The following NUDCD3 variants were observed in gnomAD, a reference collection of about 807,000 sequenced individuals.
NUDCD3 encodes NudC domain containing 3.
In NUDCD3, 13 loss-of-function variants were observed where a neutral mutation model predicts 39.7. That is an observed-to-expected ratio of 0.33 (90% CI 0.21 to 0.52). NUDCD3 has a LOEUF of 0.52. Among genes scored for constraint, NUDCD3 ranks in the 20% least tolerant of loss-of-function variants. NUDCD3 has a pLI of 0.96. For synonymous variants in NUDCD3, 175 were observed against 172.4 expected (o/e 1.02, Z -0.12); for missense variants, 453 against 458.1 (o/e 0.99, Z 0.10).
At chr7:44,467,313 A>C (rs545234517) in intron 2 of NUDCD3, among the ~76,000 whole-genome samples, 147 of 152,362 alleles carry the variant, frequency 9.6e-4, no homozygotes, top group Non-Finnish European at 1.9e-3. Context: ...AGACAGAATC[A>C]GAACTGCTCA....
intron 1 of NUDCD3, chr7:44,485,517 C>T: frequency 2.0e-6 from 1 of 495,368 alleles, no homozygotes; most frequent in South Asian, 3.2e-5. Context: ...CCAAGGCTAA[C>T]AATATTTACA....
intron 3 of NUDCD3, among the ~76,000 whole-genome samples, chr7:44,416,551 G>GA (rs1031276537): frequency 1.3e-5 from 2 of 151,656 alleles, no homozygotes; most frequent in African/African-American, 2.4e-5. Context: ...ATGACATGGG[G>GA]AAAAAAAATA....
At chr7:44,453,364 T>A (rs998618752) in intron 2 of NUDCD3, among the ~76,000 whole-genome samples, 36 of 151,088 alleles carry the variant, frequency 2.4e-4, no homozygotes, top group African/African-American at 6.8e-4. Flanking sequence ...AAAAAATAAA[T>A]AAATAAATAA....
At chr7:44,484,758 C>A in intron 2 of NUDCD3, 1 of 548,508 alleles carries the variant, frequency 1.8e-6, no homozygotes, top group South Asian at 2.5e-5. Context: ...TGACTACTGA[C>A]CTTACCAAAT....
intron 2 of NUDCD3, among the ~76,000 whole-genome samples, chr7:44,459,007 T>A (rs1799955542): frequency 6.6e-6 from 1 of 150,666 alleles, no homozygotes; most frequent in South Asian, 2.1e-4. Context: ...CATACAAGCA[T>A]GTGTATGAGC....
chr7:44,426,202 AT>A (rs773187264), intron 3 of NUDCD3: 248 of 982,542 alleles, frequency 2.5e-4, no homozygotes, highest in Non-Finnish European at 3.0e-4. Flanking sequence ...CTGAAGAAAA[AT>A]AAATTTTGTG....
chr7:44,397,460 C>A (rs1229810418), intron 4 of NUDCD3, among the ~76,000 whole-genome samples: 1 of 152,104 alleles, frequency 6.6e-6, no homozygotes, highest in Non-Finnish European at 1.5e-5. Context: ...CCAGGTGCCC[C>A]ATCTCATTTA....
At chr7:44,443,168 C>T (rs1003717556) in intron 2 of NUDCD3, among the ~76,000 whole-genome samples, 10 of 152,060 alleles carry the variant, frequency 6.6e-5, no homozygotes, top group African/African-American at 2.4e-4. Flanking sequence ...AAGAGAACAA[C>T]CACATCCAGC....
intron 2 of NUDCD3, among the ~76,000 whole-genome samples, chr7:44,443,330 C>T (rs1042815245): frequency 2.0e-5 from 3 of 152,108 alleles, no homozygotes; most frequent in African/African-American, 4.8e-5. Context: ...ATCAGCTTTC[C>T]TATTACATTA....
At chr7:44,480,939 AT>A (rs1800476502) in intron 2 of NUDCD3, among the ~76,000 whole-genome samples, 1 of 126,446 alleles carries the variant, frequency 7.9e-6, no homozygotes, top group Non-Finnish European at 1.7e-5. Context: ...AAGACCCAGT[AT>A]CAAAAAAAAA....
intron 3 of NUDCD3, among the ~76,000 whole-genome samples, chr7:44,417,235 G>A (rs1441341636): frequency 6.6e-6 from 1 of 152,202 alleles, no homozygotes; most frequent in East Asian, 1.9e-4. Context: ...CATCATCTTA[G>A]AGGTCATGAT....
intron 3 of NUDCD3, among the ~76,000 whole-genome samples, chr7:44,411,318 G>A (rs1798919824): frequency 6.6e-6 from 1 of 152,014 alleles, no homozygotes; most frequent in African/African-American, 2.4e-5. Flanking sequence ...GCTTCAAAGA[G>A]TAGTATCAAG....
chr7:44,424,738 C>G (rs2116897886), intron 3 of NUDCD3, among the ~76,000 whole-genome samples: 1 of 152,250 alleles, frequency 6.6e-6, no homozygotes, highest in African/African-American at 2.4e-5. Flanking sequence ...GGTGATTCCT[C>G]AAGGATCTAG....
chr7:44,409,108 C>CT (rs1779145726), intron 3 of NUDCD3, among the ~76,000 whole-genome samples: 2 of 152,172 alleles, frequency 1.3e-5, no homozygotes, highest in African/African-American at 4.8e-5. Context: ...CTTTGAAAAG[C>CT]TTTGACATTT....
chr7:44,484,888 A>C, intron 2 of NUDCD3, 80 bp downstream of exon 2: 1 of 1,061,392 alleles, frequency 9.4e-7, no homozygotes, highest in Non-Finnish European at 1.4e-6. Context: ...ATGTGTTACA[A>C]AGTAAGAATA....
intron 5 of NUDCD3, among the ~76,000 whole-genome samples, chr7:44,391,902 A>G (rs533122606): frequency 6.6e-6 from 1 of 152,270 alleles, no homozygotes; most frequent in Admixed American, 6.5e-5. Flanking sequence ...TGGCTCTGCA[A>G]TCTGGCTCCC....
chr7:44,447,797 A>G (rs1471143906), intron 2 of NUDCD3, among the ~76,000 whole-genome samples: 1 of 152,188 alleles, frequency 6.6e-6, no homozygotes, highest in Non-Finnish European at 1.5e-5. Context: ...TCACATGAAG[A>G]CAAGAGACAT....
At chr7:44,421,660 A>C (rs530957440) in intron 3 of NUDCD3, among the ~76,000 whole-genome samples, 1 of 152,310 alleles carries the variant, frequency 6.6e-6, no homozygotes, top group East Asian at 1.9e-4. Flanking sequence ...GAGCACCCAG[A>C]TTCATAAAAC....
intron 2 of NUDCD3, among the ~76,000 whole-genome samples, chr7:44,470,262 A>ACAGCAGC (rs1435549882): frequency 1.3e-5 from 2 of 152,172 alleles, no homozygotes; most frequent in Non-Finnish European, 2.9e-5. Context: ...ACTCCATACC[A>ACAGCAGC]CAGCAGCCAG....
Sources: allele counts gnomAD v4.1 joint callset (sites outside exome capture counted in the v4.1 genomes callset), GRCh38; gene constraint gnomAD v4.1.1; transcripts MANE v1.5; gene names NCBI Gene and HGNC (gene_info 2026-07-23, HGNC 2026-07-21).